Variants in CACNA1C observed in about 807,000 individuals in gnomAD.
CACNA1C encodes voltage-dependent L-type calcium channel subunit alpha-1C.
CACNA1C carries 30 observed loss-of-function variants against 229.0 expected under a neutral mutation model. That is an observed-to-expected ratio of 0.13 (90% confidence interval 0.10 to 0.18). The LOEUF (loss-of-function observed/expected upper bound fraction) is 0.18. Ranked by LOEUF, CACNA1C falls within the 10% of genes least tolerant of loss-of-function variation. The pLI, the probability that CACNA1C is intolerant of heterozygous loss-of-function variation, is 1.00. For missense variants in CACNA1C, 1,658 were observed against 2,845.0 expected, an observed-to-expected ratio of 0.58 and a Z score of 9.49; for synonymous variants, 1,114 against 1,132.5, an observed-to-expected ratio of 0.98 and a Z score of 0.33.
At chr12:1,999,602 G>A (rs572408286) in intron 1 of CACNA1C, among the ~76,000 whole-genome samples, 18 of 152,068 alleles carry the variant, frequency 1.2e-4, no homozygotes, top group Non-Finnish European at 1.9e-4. Flanking sequence ...GGCACATGCC[G>A]GTAGTCTCAG....
rs2097201832 is a variant in CACNA1C at position 2,682,547 on chromosome 12, T to C, written c.5445-3T>C. On this transcript the variant is annotated splice_region_variant and splice_polypyrimidine_tract_variant and intron_variant, in intron 42 of 46. Transcript: ENST00000399655. The stretch of plus-strand genomic sequence containing the variant: ...ATGTTTTTCTTCATCTTGGATATTG[T>C]AGGTGCCACTCCCGGGAGAGCCAGG... 1.9e-6 allele frequency: 3 copies of C among 1,611,324 alleles called. No homozygotes were observed. The highest frequency in any genetic ancestry group is 2.5e-6 in the Non-Finnish European group (3 of 1,179,116).
chr12:2,260,325 A>T lies in CACNA1C; in HGVS notation c.477+139895A>T, dbSNP rs1261217035. Among the ~76,000 whole-genome samples, 4 of 151,788 alleles carry T rather than the reference A, an allele frequency of 2.6e-5. No individual in the cohort carries two copies. The East Asian group carries it at 7.8e-4, about 29-fold the overall frequency. ...ACCTTGTCTCTACAAAAATAAAAAT[A>T]ATTAGCTGGCCATAATGCCACGTGC... On this transcript the variant is annotated intron_variant, in intron 3 of 46. Coordinates refer to ENST00000399655, the MANE Select transcript of CACNA1C (RefSeq NM_000719.7).
intron 3 of CACNA1C, among the ~76,000 whole-genome samples, chr12:2,378,712 G>A (rs374870797): frequency 6.6e-6 from 1 of 152,132 alleles, no homozygotes; most frequent in African/African-American, 2.4e-5. Flanking sequence ...CACTTCACAG[G>A]CTACTAAATC....
At chr12:2,444,280 G>T (rs1300334185) in intron 3 of CACNA1C, among the ~76,000 whole-genome samples, 2 of 152,164 alleles carry the variant, frequency 1.3e-5, no homozygotes, top group Admixed American at 6.5e-5. Flanking sequence ...TGAGTATCTT[G>T]TCAGAATCCT....
chr12:2,663,499 T>G (rs974516168), intron 34 of CACNA1C, among the ~76,000 whole-genome samples: 6 of 152,188 alleles, frequency 3.9e-5, no homozygotes, highest in Non-Finnish European at 7.3e-5. Context: ...GAAGTCATTA[T>G]GTGAAAGAGA....
At chr12:2,456,509 C>T (rs577435361) in intron 4 of CACNA1C, among the ~76,000 whole-genome samples, 1 of 152,350 alleles carries the variant, frequency 6.6e-6, no homozygotes, top group Admixed American at 6.5e-5. Context: ...CACAGTTCTC[C>T]CCTTTCCCTG....
chr12:2,330,495 T>A (rs1292152154), intron 3 of CACNA1C, among the ~76,000 whole-genome samples: 1 of 152,230 alleles, frequency 6.6e-6, no homozygotes, highest in African/African-American at 2.4e-5. Flanking sequence ...TCCTGCAAGG[T>A]AGGTGCACTG....
rs576479393 is a variant in CACNA1C at position 2,502,501 on chromosome 12, G to A, written c.1114-2341G>A. Reference sequence around the variant, plus strand: ...AAATGGGCATGCTCAGTAAACCCACGTTCAATTGAATTTCACGATGGCATG... The same window carrying A: ...AAATGGGCATGCTCAGTAAACCCACATTCAATTGAATTTCACGATGGCATG... On this transcript the variant is annotated intron_variant, in intron 7 of 46. Transcript: ENST00000399655. Among the ~76,000 whole-genome samples the A allele has an allele frequency of 5.8e-4, 89 of 152,326 alleles. 1 individual carries two copies. Among genetic ancestry groups the A allele is most frequent in the Non-Finnish European group, 1.0e-3 (69 of 68,032 alleles).
At chr12:2,243,073 T>G (rs1214228527) in intron 3 of CACNA1C, among the ~76,000 whole-genome samples, 3 of 152,232 alleles carry the variant, frequency 2.0e-5, no homozygotes, top group Non-Finnish European at 4.4e-5. Context: ...TCTGTCTTTG[T>G]AAGCTGTTAA....
chr12:2,379,124 C>T (rs962194188), intron 3 of CACNA1C, among the ~76,000 whole-genome samples: 1 of 152,194 alleles, frequency 6.6e-6, no homozygotes, highest in Non-Finnish European at 1.5e-5. Context: ...AATCAAGGGC[C>T]TCTCTTGGCA....
At chr12:2,120,876 A>G (rs2086386420) in intron 3 of CACNA1C, among the ~76,000 whole-genome samples, 1 of 152,004 alleles carries the variant, frequency 6.6e-6, no homozygotes, top group African/African-American at 2.4e-5. Context: ...ATTTCTAGGA[A>G]GCTTTTAGGA....
chr12:2,091,323 T>A (rs949846466), intron 1 of CACNA1C, among the ~76,000 whole-genome samples: 1 of 152,268 alleles, frequency 6.6e-6, no homozygotes, highest in South Asian at 2.1e-4. Flanking sequence ...TGTTCATTTC[T>A]TCTTGCTTCA....
chr12:1,999,679 T>C (rs1484660063), intron 1 of CACNA1C, among the ~76,000 whole-genome samples: 4 of 152,080 alleles, frequency 2.6e-5, no homozygotes, highest in South Asian at 2.1e-4. Flanking sequence ...TGAGCTATGA[T>C]TGTACCTCTG....
chr12:2,240,876 C>T (rs1011559210), intron 3 of CACNA1C, among the ~76,000 whole-genome samples: 2 of 152,030 alleles, frequency 1.3e-5, no homozygotes, highest in Non-Finnish European at 2.9e-5. Context: ...CCTGAATTTC[C>T]AGGGTGAGAG....
At chr12:2,418,716 G>T (rs1332589376) in intron 3 of CACNA1C, among the ~76,000 whole-genome samples, 1 of 152,184 alleles carries the variant, frequency 6.6e-6, no homozygotes, top group Non-Finnish European at 1.5e-5. Flanking sequence ...ACTCACCTTT[G>T]CCTGCAGGGA....
At chr12:2,442,202 C>T (rs10491965) in intron 3 of CACNA1C, among the ~76,000 whole-genome samples, 10,330 of 152,108 alleles carry the variant, frequency 0.068, 408 homozygotes, top group South Asian at 0.11. Context: ...GTAATATATA[C>T]GTGAGAAGAT....
intron 3 of CACNA1C, among the ~76,000 whole-genome samples, chr12:2,310,350 A>T (rs200834030): frequency 0.038 from 4,853 of 127,170 alleles, 115 homozygotes; most frequent in African/African-American, 0.078. Context: ...GTTAAAAAAA[A>T]AAATATATAT....
chr12:2,338,060 T>C (rs1462213453), intron 3 of CACNA1C, among the ~76,000 whole-genome samples: 1 of 151,964 alleles, frequency 6.6e-6, no homozygotes, highest in African/African-American at 2.4e-5. Flanking sequence ...CCTGGTCCTA[T>C]CCCAGGACCC....
chr12:2,112,945 C>T (rs1490024674), intron 1 of CACNA1C, among the ~76,000 whole-genome samples: 1 of 152,156 alleles, frequency 6.6e-6, no homozygotes, highest in Non-Finnish European at 1.5e-5. Flanking sequence ...AAGCTTTGGG[C>T]ACCTACCAAG....
Sources: gnomAD v4.1 joint callset for allele counts (sites outside exome capture counted in the v4.1 genomes callset) on GRCh38, gnomAD v4.1.1 for gene constraint, MANE v1.5 for transcripts, NCBI Gene and HGNC (gene_info 2026-07-23, HGNC 2026-07-21) for gene names.